The following FAM234A variants were observed in gnomAD, a reference collection of about 807,000 sequenced individuals.
The protein encoded by FAM234A is family with sequence similarity 234 member A, also known as protein FAM234A.
A neutral mutation model predicts 49.1 loss-of-function variants in FAM234A; 42 were observed. The ratio of observed to expected loss-of-function variants is 0.86; its 90% CI spans 0.67 to 1.11. FAM234A has a LOEUF of 1.11. Ranked by LOEUF, FAM234A falls within the 50% of genes least tolerant of loss-of-function variation. The probability of loss-of-function intolerance (pLI) is 0.00; values close to 1 mark genes in which losing one functional copy is unlikely to be tolerated. For missense variants in FAM234A, 815 were observed against 745.2 expected, an observed-to-expected ratio of 1.09 and a Z score of -1.09; for synonymous variants, 369 against 316.2, an observed-to-expected ratio of 1.17 and a Z score of -1.77.
intron 3 of FAM234A, among the ~76,000 whole-genome samples, chr16:255,940 C>T (rs113151205): frequency 2.9e-3 from 442 of 152,270 alleles, no homozygotes; most frequent in South Asian, 8.3e-3. Flanking sequence ...CTGGGATTAC[C>T]GGCGTGAGCC....
intron 1 of FAM234A, among the ~76,000 whole-genome samples, 166 bp downstream of exon 1, chr16:235,023 G>T (rs1368990057): frequency 3.3e-5 from 5 of 152,214 alleles, no homozygotes; most frequent in African/African-American, 1.2e-4. Flanking sequence ...GGTGCGGGCC[G>T]GGAGGCTGCG....
intron 9 of FAM234A, 83 bp downstream of exon 9, chr16:263,485 A>C (rs1037590479): frequency 1.3e-6 from 2 of 1,558,890 alleles, no homozygotes; most frequent in African/African-American, 1.4e-5. Flanking sequence ...GCGAGGAGAC[A>C]GCGCTGGGGG....
At chr16:238,988 A>T (rs1474154493) in intron 1 of FAM234A, among the ~76,000 whole-genome samples, 1 of 147,144 alleles carries the variant, frequency 6.8e-6, no homozygotes, top group African/African-American at 2.5e-5. Context: ...AGGCTGAGGC[A>T]GGAGAGTTGT....
At chr16:238,780 A>AAG (rs2050501102) in intron 1 of FAM234A, among the ~76,000 whole-genome samples, 2 of 141,074 alleles carry the variant, frequency 1.4e-5, no homozygotes, top group Non-Finnish European at 1.5e-5. Context: ...AAAAAAAAAA[A>AAG]AAAAAAGAAA....
chr16:261,293 C>G, intron 5 of FAM234A, 91 bp from the exon 6 acceptor site: 2 of 1,483,312 alleles, frequency 1.3e-6, no homozygotes, highest in Non-Finnish European at 1.8e-6. Flanking sequence ...GATGCCTCAA[C>G]AGGAGCCTGC....
downstream of FAM234A, chr16:269,368 C>A: frequency 6.2e-7 from 1 of 1,603,070 alleles, no homozygotes; most frequent in Non-Finnish European, 8.5e-7. Context: ...GTGGCCTCCA[C>A]GTAAACGGGA....
At chr16:256,173 G>T (rs537838989) in intron 3 of FAM234A, among the ~76,000 whole-genome samples, 1 of 152,216 alleles carries the variant, frequency 6.6e-6, no homozygotes, top group African/African-American at 2.4e-5. Context: ...GAACATTCAC[G>T]TGCAGATCTT....
intron 1 of FAM234A, among the ~76,000 whole-genome samples, chr16:242,840 C>T (rs1236763581): frequency 6.6e-6 from 1 of 152,042 alleles, no homozygotes; most frequent in African/African-American, 2.4e-5. Flanking sequence ...TCTCGAACTC[C>T]TGACCTTGCG....
rs765536317 is a variant in FAM234A, at chr16:263,713, G to C, written c.1126G>C (p.Gly376Arg). ...AAHVLRKPIFGRYKPDTLAVA... is the reference protein window; with the variant it reads ...AAHVLRKPIFRRYKPDTLAVA... Reference sequence around the variant, plus strand: ...ATATTGTTCCAGAAAACCCATCTTCGGCCGCTACAAACCAGACACCTTGGC... The same window carrying C: ...ATATTGTTCCAGAAAACCCATCTTCCGCCGCTACAAACCAGACACCTTGGC... The change falls in exon 10 of 13, where the codon GGC becomes CGC. Residue 376 changes from glycine (G) to arginine (R), a missense_variant. Transcript: ENST00000399932. 1 of 1,613,856 alleles carries C rather than the reference G, an allele frequency of 6.2e-7. No homozygotes were observed. Among genetic ancestry groups the C allele is most frequent in the South Asian group, 1.1e-5 (1 of 91,086 alleles).
At chr16:264,757 G>T in intron 12 of FAM234A, 41 bp downstream of exon 12, 1 of 1,607,578 alleles carries the variant, frequency 6.2e-7, no homozygotes, top group Non-Finnish European at 8.5e-7. Context: ...GTTCCGCGGG[G>T]TCTGCCCTGG....
intron 2 of FAM234A, among the ~76,000 whole-genome samples, chr16:251,656 C>T (rs1455963299): frequency 1.4e-5 from 2 of 144,486 alleles, no homozygotes; most frequent in East Asian, 2.1e-4. Flanking sequence ...CGATTACAGG[C>T]ATAAGCCACC....
At position 265,816 on chromosome 16, in the gene FAM234A, C is replaced by G. The variant is rs918787900; in HGVS notation, c.*794C>G. On this transcript the variant is annotated 3_prime_UTR_variant, in exon 13 of 13. Transcript: ENST00000399932. ...GCGTGTTTGGGTCAGTCTGTGCCCT[C>G]TCAGTAGACACTGGAGCTGCTCTGT... is the stretch of plus-strand genomic sequence containing the variant. 12 of 985,612 alleles carry G rather than the reference C, an allele frequency of 1.2e-5. No individual in the cohort carries two copies. In the Admixed American group the frequency reaches 5.5e-4, roughly 45 times the overall value. 61.1% of individuals were successfully genotyped at this position (985,612 alleles called of 1,614,324 possible).
rs2051149148 is a variant in FAM234A at position 254,527 on chromosome 16, G to A, written c.114G>A (p.Ala38=). The A allele has an allele frequency of 1.2e-6, 2 of 1,614,224 alleles. No homozygotes were observed. Among genetic ancestry groups the A allele is most frequent in the East Asian group, 2.2e-5 (1 of 44,886 alleles). Residue 38 remains alanine, a synonymous_variant, in exon 3 of 13, where the codon GCG becomes GCA. Transcript: ENST00000399932. ...AAAATGAGGATAACGTGAAAAGCGC[G>A]CCTCCACAGTCCCGGCTCTCCCGGT... ...PSKNEDNVKS[A]PPQSRLSRCR... is the part of the protein sequence containing the mutation.
Position 257,157 on chromosome 16 carries a change from G to A in FAM234A, c.269-2326G>A, listed in dbSNP as rs1243487627. 2.0e-5 allele frequency among the ~76,000 whole-genome samples: 3 copies of A among 151,888 alleles called. No individual in the cohort carries two copies. In the East Asian group the frequency reaches 5.8e-4, roughly 29 times the overall value. ...GCTTCCCAAAGTGCTAGGACTACCG[G>A]TGTGAACCACCACGCCCAGCCTTTC... On this transcript the variant is annotated intron_variant, in intron 3 of 12. Transcript: ENST00000399932.
rs2051652306 is a variant in FAM234A at position 265,225 on chromosome 16, C to T, written c.*203C>T. The stretch of plus-strand genomic sequence containing the variant: ...GTGAGGGGACACCCTGGGCCTCTCT[C>T]CCGCCCAGCATCCTCCCTGAGTCCC... On this transcript the variant is annotated 3_prime_UTR_variant, in exon 13 of 13. Transcript: ENST00000399932. 2.9e-6 allele frequency: 4 copies of T among 1,391,926 alleles called. No homozygotes were observed. The highest frequency in any genetic ancestry group is 1.7e-5 in the South Asian group (1 of 57,406). 86.2% of individuals were successfully genotyped at this position (1,391,926 alleles called of 1,614,324 possible). A position where few individuals can be genotyped will look rare whatever the true frequency, so the allele number is the denominator to read the frequency against.
In FAM234A at chr16:265,741, G is replaced by A. The variant is rs1022583322; in HGVS notation, c.*719G>A. 5 of 985,504 alleles carry A rather than the reference G, an allele frequency of 5.1e-6. No homozygotes were observed. The highest frequency in any genetic ancestry group is 3.6e-6 in the Non-Finnish European group (3 of 830,104). 61.0% of individuals were successfully genotyped at this position (985,504 alleles called of 1,614,324 possible). On this transcript the variant is annotated 3_prime_UTR_variant, in exon 13 of 13. Coordinates refer to ENST00000399932, the MANE Select transcript of FAM234A (RefSeq NM_032039.4). ...AGGTGTCCTTAGTGGTGTTGCAGCT[G>A]TCTACTGGCTGCATGTGCTGTGAAT...
Position 254,548 on chromosome 16 carries a change from C to T in FAM234A, c.135C>T (p.Ser45=). 1.2e-6 allele frequency: 2 copies of T among 1,614,246 alleles called. No individual in the cohort carries two copies. Among genetic ancestry groups the T allele is most frequent in the Non-Finnish European group, 1.7e-6 (2 of 1,180,048 alleles). ...VKSAPPQSRL[S]RCRAAAFFLS... is the part of the protein sequence containing the mutation. ...GCGCGCCTCCACAGTCCCGGCTCTC[C>T]CGGTGCCGAGCGGCGGCGTTTTTTC... The change falls in exon 3 of 13, where the codon TCC becomes TCT. Residue 45 remains serine, a synonymous_variant. Coordinates refer to ENST00000399932, the MANE Select transcript of FAM234A (RefSeq NM_032039.4).
At chr16:269,243 C>T (rs2141397068), downstream of FAM234A, 1 of 1,464,476 alleles carries the variant, frequency 6.8e-7, no homozygotes, top group East Asian at 2.4e-5. Flanking sequence ...GCTGCAGGGA[C>T]TAGAGTGGCA....
chr16:252,916 T>C (rs951069754), intron 2 of FAM234A, among the ~76,000 whole-genome samples: 1 of 152,178 alleles, frequency 6.6e-6, no homozygotes, highest in Non-Finnish European at 1.5e-5. Context: ...TGCTGTGAAC[T>C]GTTGACTTCC....
Sources: allele counts gnomAD v4.1 joint callset (sites outside exome capture counted in the v4.1 genomes callset), GRCh38; gene constraint gnomAD v4.1.1; transcripts MANE v1.5; gene names NCBI Gene and HGNC (gene_info 2026-07-23, HGNC 2026-07-21).